ANK3: variants seen among roughly 807,000 people sequenced by gnomAD.
The protein encoded by ANK3 is ankyrin 3, also known as ankyrin-3.
A neutral mutation model predicts 370.9 loss-of-function variants in ANK3; 57 were observed. That is an observed-to-expected ratio of 0.15 (90% CI 0.12 to 0.19). The LOEUF (loss-of-function observed/expected upper bound fraction) is 0.19, where lower values mean the gene tolerates loss of function less well. Among genes scored for constraint, ANK3 ranks in the 10% least tolerant of loss-of-function variants. The probability of loss-of-function intolerance (pLI) is 1.00; values close to 1 mark genes in which losing one functional copy is unlikely to be tolerated. For synonymous variants in ANK3, 1,929 were observed against 1,946.3 expected (o/e 0.99, Z 0.23); for missense variants, 4,439 against 5,302.1 (o/e 0.84, Z 5.06).
intron 43 of ANK3, among the ~76,000 whole-genome samples, chr10:60,032,966 C>T (rs757608191): frequency 6.6e-5 from 10 of 152,214 alleles, no homozygotes; most frequent in Non-Finnish European, 1.2e-4. Context: ...GATGACAGCG[C>T]CATCTGATGG....
chr10:60,043,190 AAT>A, intron 42 of ANK3: 6 of 987,876 alleles, frequency 6.1e-6, no homozygotes, highest in Non-Finnish European at 7.2e-6. Flanking sequence ...TGGAATTGCC[AAT>A]GACTTCCTCT....
intron 36 of ANK3, 130 bp downstream of exon 36, chr10:60,080,407 G>T: frequency 1.2e-5 from 9 of 748,052 alleles, no homozygotes; most frequent in East Asian, 2.9e-5. Flanking sequence ...TAGGTTGTAT[G>T]ACAGGGTTTT....
chr10:60,437,174 G>C (rs1258156530), intron 2 of ANK3, among the ~76,000 whole-genome samples: 2 of 152,162 alleles, frequency 1.3e-5, no homozygotes, highest in Non-Finnish European at 2.9e-5. Context: ...AACACAGTCT[G>C]AGATTCATGA....
intron 25 of ANK3, among the ~76,000 whole-genome samples, chr10:60,128,664 A>C (rs937713320): frequency 6.6e-6 from 1 of 152,240 alleles, no homozygotes; most frequent in African/African-American, 2.4e-5. Context: ...TACAGGTGTG[A>C]GCCACCGTGC....
chr10:60,145,802 A>G (rs1317280856), intron 23 of ANK3, among the ~76,000 whole-genome samples: 1 of 152,186 alleles, frequency 6.6e-6, no homozygotes, highest in Non-Finnish European at 1.5e-5. Context: ...TCAAAATGTA[A>G]GCTCCTTGAG....
At chr10:60,536,710 C>A (rs894678879) in intron 2 of ANK3, among the ~76,000 whole-genome samples, 4 of 151,892 alleles carry the variant, frequency 2.6e-5, no homozygotes, top group African/African-American at 4.8e-5. Context: ...ATGCATCCAC[C>A]CAGTTAACTG....
chr10:60,675,453 C>T (rs890002858), intron 1 of ANK3, among the ~76,000 whole-genome samples: 1 of 152,200 alleles, frequency 6.6e-6, no homozygotes. Context: ...CCAGTCCACA[C>T]AATTTGTCTT....
At chr10:60,525,057 A>T (rs1047442005) in intron 2 of ANK3, among the ~76,000 whole-genome samples, 1 of 152,160 alleles carries the variant, frequency 6.6e-6, no homozygotes, top group Non-Finnish European at 1.5e-5. Flanking sequence ...TAATAATTTC[A>T]TCTGACATTA....
intron 23 of ANK3, among the ~76,000 whole-genome samples, chr10:60,150,259 G>A (rs2095045605): frequency 6.6e-6 from 1 of 152,064 alleles, no homozygotes. Context: ...TGTGTGCTGA[G>A]CTCTTCTGTG....
chr10:60,213,389 C>T lies in ANK3; in HGVS notation c.996+23G>A. 1.9e-6 allele frequency: 3 copies of T among 1,559,176 alleles called. No homozygotes were observed. In the South Asian group the frequency reaches 3.4e-5, roughly 17 times the overall value. On this transcript the variant is annotated intron_variant, in intron 9 of 43. Transcript: ENST00000280772. Reference sequence around the variant, plus strand: ...CATCAAAATAAATACAGTCCAATGTCCAGAAACCTGAAAAGAAATTACCTT... The same window carrying T: ...CATCAAAATAAATACAGTCCAATGTTCAGAAACCTGAAAAGAAATTACCTT...
intron 2 of ANK3, among the ~76,000 whole-genome samples, chr10:60,499,341 C>G (rs2075738661): frequency 6.6e-6 from 1 of 152,132 alleles, no homozygotes; most frequent in Non-Finnish European, 1.5e-5. Context: ...CTGCAGGTAG[C>G]AATTACCAGT....
At chr10:60,335,041 G>C (rs1310429159) in intron 1 of ANK3, among the ~76,000 whole-genome samples, 2 of 152,206 alleles carry the variant, frequency 1.3e-5, no homozygotes, top group East Asian at 3.9e-4. Context: ...ACTGGGGCTA[G>C]GTCCTCTATT....
intron 9 of ANK3, 145 bp from the exon 10 acceptor site, chr10:60,208,378 T>A: frequency 1.4e-6 from 1 of 710,144 alleles, no homozygotes; most frequent in Non-Finnish European, 2.3e-6. Context: ...GACAACTATT[T>A]TGAACTACAG....
rs542906607 is a variant in ANK3 at position 60,200,800 on chromosome 10, G to T, written c.1393-573C>A. Among the ~76,000 whole-genome samples the T allele has an allele frequency of 1.2e-3, 189 of 152,300 alleles. 1 individual carries two copies. The highest frequency in any genetic ancestry group is 4.4e-3 in the African/African-American group (182 of 41,556). On this transcript the variant is annotated intron_variant, in intron 12 of 43. Transcript: ENST00000280772. ...ATGGGCAACCTAAACATAGCCAAGG[G>T]CTGGATTTGGCTTGTCAACAGCCGG...
Position 60,069,499 on chromosome 10 carries a change from A to G in ANK3, c.11382T>C (p.Ser3794=). 1 of 1,613,924 alleles carries G rather than the reference A, an allele frequency of 6.2e-7. No individual in the cohort carries two copies. The highest frequency in any genetic ancestry group is 8.5e-7 in the Non-Finnish European group (1 of 1,179,956). Residue 3794 remains serine (S), a synonymous_variant, in exon 37 of 44, where the codon TCT becomes TCC. Transcript: ENST00000280772. ...DNFNNNNNLD[S]STIQTDNIMS... Reference sequence around the variant, plus strand: ...TAATGTTATCTGTCTGTATAGTGGAAGAATCCAAATTGTTGTTGTTATTAA... The same window carrying G: ...TAATGTTATCTGTCTGTATAGTGGAGGAATCCAAATTGTTGTTGTTATTAA...
intron 2 of ANK3, among the ~76,000 whole-genome samples, chr10:60,407,554 ATGTGCCAAGCAC>A (rs767241631): frequency 3.3e-5 from 5 of 152,236 alleles, no homozygotes; most frequent in Non-Finnish European, 7.3e-5. Context: ...AATGAGTATT[ATGTGCCAAGCAC>A]TGTGCTAAGT....
At chr10:60,664,753 T>C (rs2078976123) in intron 1 of ANK3, among the ~76,000 whole-genome samples, 1 of 152,216 alleles carries the variant, frequency 6.6e-6, no homozygotes, top group Admixed American at 6.5e-5. Context: ...TGCATAGATA[T>C]TTGCTTCATG....
At chr10:60,396,177 T>A (rs895018782) in intron 2 of ANK3, among the ~76,000 whole-genome samples, 4 of 152,180 alleles carry the variant, frequency 2.6e-5, no homozygotes, top group African/African-American at 9.7e-5. Context: ...ATGAACAAGA[T>A]AATTTTAGAT....
rs1433453587 is a variant in ANK3, at chr10:60,636,656, T to C, written c.58-21432A>G. ...GCTTCAGGCAGGGCTATGCCTGCAC[T>C]GAAGTGCAATGTCTACTGCTTAGAT... On this transcript the variant is annotated intron_variant, in intron 1 of 43. Transcript: ENST00000373827. 2.0e-5 allele frequency among the ~76,000 whole-genome samples: 3 copies of C among 152,206 alleles called. No individual in the cohort carries two copies. The East Asian group carries it at 5.8e-4, about 29-fold the overall frequency.
Sources: gnomAD v4.1 joint callset for allele counts (sites outside exome capture counted in the v4.1 genomes callset) on GRCh38, gnomAD v4.1.1 for gene constraint, MANE v1.5 for transcripts, NCBI Gene and HGNC (gene_info 2026-07-23, HGNC 2026-07-21) for gene names.